The following SLC13A1 variants were observed in gnomAD, a reference collection of about 807,000 sequenced individuals.
SLC13A1 encodes the protein Na(+)/sulfate cotransporter.
Under a neutral mutation model 70.0 loss-of-function variants are expected in SLC13A1, and 65 were observed. The observed-to-expected ratio is 0.93, with a 90% confidence interval of 0.76 to 1.14. SLC13A1 has a LOEUF of 1.14. Ranked by LOEUF, SLC13A1 falls within the 50% of genes most tolerant of loss-of-function variation. The pLI is 0.00. For missense variants in SLC13A1, 726 were observed against 717.8 expected, an observed-to-expected ratio of 1.01 and a Z score of -0.13; for synonymous variants, 275 against 250.5, an observed-to-expected ratio of 1.10 and a Z score of -0.92.
intron 1 of SLC13A1, among the ~76,000 whole-genome samples, chr7:123,196,690 C>G (rs2116695387): frequency 1.3e-5 from 2 of 152,134 alleles, no homozygotes; most frequent in Middle Eastern, 6.8e-3. Flanking sequence ...AACTTTCTAC[C>G]TTAATGACAT....
At chr7:123,159,670 G>A (rs1196612715) in intron 6 of SLC13A1, among the ~76,000 whole-genome samples, 2 of 152,026 alleles carry the variant, frequency 1.3e-5, no homozygotes, top group African/African-American at 2.4e-5. Context: ...ACCCATACAA[G>A]TGTGTGTGTA....
chr7:123,181,093 T>G lies in SLC13A1; in HGVS notation c.108A>C (p.Glu36Asp), dbSNP rs1482868044. ...LPIVLHTKEA[E>D]CAYTLFVVAT... is the part of the protein sequence containing the mutation. ...CGACCACAAAGAGTGTGTAGGCACATTCTGCTTCCTGGTAAGAACAAATGC... is the reference window on the plus strand; with the variant it reads ...CGACCACAAAGAGTGTGTAGGCACAGTCTGCTTCCTGGTAAGAACAAATGC... Residue 36 changes from glutamate to aspartate, a missense_variant, in exon 2 of 15, where the codon GAA becomes GAC. Glu to Asp is a conservative substitution (Grantham distance 45). Transcript: ENST00000194130. The G allele has an allele frequency of 6.2e-7, 1 of 1,611,766 alleles. No homozygotes were observed. Among genetic ancestry groups the G allele is most frequent in the Non-Finnish European group, 8.5e-7 (1 of 1,178,612 alleles).
intron 6 of SLC13A1, among the ~76,000 whole-genome samples, chr7:123,160,442 GAGGAACCAAA>G (rs1794852570): frequency 6.6e-6 from 1 of 152,070 alleles, no homozygotes; most frequent in African/African-American, 2.4e-5. Context: ...TAACAATGCA[GAGGAACCAAA>G]ATGGACAGAA....
At chr7:123,182,298 C>T (rs2116622409) in intron 1 of SLC13A1, among the ~76,000 whole-genome samples, 1 of 152,228 alleles carries the variant, frequency 6.6e-6, no homozygotes, top group Admixed American at 6.5e-5. Context: ...TTAATGAGAA[C>T]ACATGGATAG....
At chr7:123,155,358 T>C (rs1398453899) in intron 6 of SLC13A1, among the ~76,000 whole-genome samples, 1 of 151,998 alleles carries the variant, frequency 6.6e-6, no homozygotes, top group East Asian at 1.9e-4. Context: ...ATTTTATATT[T>C]ACATATTTTG....
At chr7:123,140,603 C>T (rs1469338761) in intron 7 of SLC13A1, among the ~76,000 whole-genome samples, 1 of 152,032 alleles carries the variant, frequency 6.6e-6, no homozygotes, top group East Asian at 1.9e-4. Flanking sequence ...AATCTCATTA[C>T]TTGTTATTAG....
intron 14 of SLC13A1, among the ~76,000 whole-genome samples, 172 bp from the exon 15 acceptor site, chr7:123,115,827 G>T (rs28364225): frequency 2.0e-5 from 3 of 152,140 alleles, no homozygotes; most frequent in African/African-American, 4.8e-5. Context: ...CAACGTGCAG[G>T]TTTGTTACAT....
intron 10 of SLC13A1, among the ~76,000 whole-genome samples, chr7:123,125,980 G>A (rs1253819641): frequency 1.3e-5 from 2 of 152,128 alleles, no homozygotes; most frequent in African/African-American, 4.8e-5. Flanking sequence ...TAAGCTTACA[G>A]ATTTGTTAAA....
In SLC13A1 at chr7:123,171,897, G is replaced by C; in HGVS notation, c.236C>G (p.Ser79Cys). The change falls in exon 3 of 15, where the codon TCT (serine) becomes TGT (cysteine). Residue 79 changes from serine (S) to cysteine (C), a missense_variant. Physicochemically the swap from Ser to Cys is moderately radical, Grantham distance 112. Coordinates refer to ENST00000194130, the MANE Select transcript of SLC13A1 (RefSeq NM_022444.4). ...TAAGTGAAAATCCTTGAAATAAGCAGATGCCACCTGAAATAACAATTAAAC... is the reference window on the plus strand; with the variant it reads ...TAAGTGAAAATCCTTGAAATAAGCACATGCCACCTGAAATAACAATTAAAC... ...FGIMPSKKVA[S>C]AYFKDFHLLL... 6.2e-7 allele frequency: 1 copy of C among 1,612,212 alleles called. No homozygotes were observed. Among genetic ancestry groups the C allele is most frequent in the Non-Finnish European group, 8.5e-7 (1 of 1,179,206 alleles).
At chr7:123,186,850 CT>C in intron 1 of SLC13A1, 1 of 420,150 alleles carries the variant, frequency 2.4e-6, no homozygotes, top group East Asian at 7.4e-5. Flanking sequence ...ATAATGTGTA[CT>C]TTTATCTTGT....
intron 7 of SLC13A1, among the ~76,000 whole-genome samples, chr7:123,141,849 C>T (rs1366450929): frequency 6.6e-6 from 1 of 152,094 alleles, no homozygotes; most frequent in Non-Finnish European, 1.5e-5. Flanking sequence ...TTGTAGGCAA[C>T]TGTCCAATAG....
chr7:123,164,572 A>G (rs1171945642), intron 6 of SLC13A1, among the ~76,000 whole-genome samples: 1 of 151,912 alleles, frequency 6.6e-6, no homozygotes, highest in East Asian at 1.9e-4. Context: ...CCAAAAAAAA[A>G]GCTAAGCCTT....
At position 123,125,563 on chromosome 7, in the gene SLC13A1, C is replaced by T; in HGVS notation, c.1240+6G>A. 1.3e-6 allele frequency: 2 copies of T among 1,583,046 alleles called. No homozygotes were observed. Among genetic ancestry groups the T allele is most frequent in the Non-Finnish European group, 1.7e-6 (2 of 1,160,396 alleles). ...AATTTATGCAGAATTATAAATGATA[C>T]TCAACCAATTTCTCCTGTAGGTGTA... On this transcript the variant is annotated splice_donor_region_variant and intron_variant, in intron 11 of 14. Transcript: ENST00000194130.
At chr7:123,136,130 C>T (rs1398911291) in intron 7 of SLC13A1, among the ~76,000 whole-genome samples, 1 of 152,194 alleles carries the variant, frequency 6.6e-6, no homozygotes, top group Admixed American at 6.5e-5. Flanking sequence ...TGTCCTCAAG[C>T]CTAATTTCAC....
At chr7:123,168,873 G>T (rs1263480890) in intron 4 of SLC13A1, among the ~76,000 whole-genome samples, 1 of 152,120 alleles carries the variant, frequency 6.6e-6, no homozygotes, top group Non-Finnish European at 1.5e-5. Flanking sequence ...GTAACCTGGA[G>T]GTCTACTGAT....
chr7:123,164,090 G>A (rs1563340578), intron 6 of SLC13A1, among the ~76,000 whole-genome samples: 2 of 152,056 alleles, frequency 1.3e-5, no homozygotes, highest in Non-Finnish European at 2.9e-5. Flanking sequence ...ACATGCTTTT[G>A]GATAAAGTAG....
chr7:123,169,326 C>T lies in SLC13A1; in HGVS notation c.375G>A (p.Leu125=). ...MVGVNPAWLT[L]GFMSSTAFLS... ...AAAAGGCAGTGCTGCTCATGAACCC[C>T]AGCGTCAGCCTGAAACCAGAGAGCC... Residue 125 remains leucine, a synonymous_variant, in exon 4 of 15, where the codon CTG becomes CTA. Transcript: ENST00000194130. 6.2e-7 allele frequency: 1 copy of T among 1,611,936 alleles called. No homozygotes were observed. Among genetic ancestry groups the T allele is most frequent in the Middle Eastern group, 1.9e-4 (1 of 5,368 alleles).
At chr7:123,169,510 A>G (rs2204291) in intron 3 of SLC13A1, among the ~76,000 whole-genome samples, 175 bp from the exon 4 acceptor site, 42,374 of 152,124 alleles carry the variant, frequency 0.28, 6,069 homozygotes, top group Non-Finnish European at 0.3. Flanking sequence ...ACAGCCAGGT[A>G]GAAATCAAAG....
chr7:123,121,185 G>T (rs1187502438), intron 12 of SLC13A1, among the ~76,000 whole-genome samples: 1 of 151,974 alleles, frequency 6.6e-6, no homozygotes, highest in Non-Finnish European at 1.5e-5. Flanking sequence ...TATCACGGAG[G>T]ACAGAGAACA....
Sources: allele counts gnomAD v4.1 joint callset (sites outside exome capture counted in the v4.1 genomes callset), GRCh38; gene constraint gnomAD v4.1.1; transcripts MANE v1.5; gene names NCBI Gene and HGNC (gene_info 2026-07-23, HGNC 2026-07-21).